Variants in CDC14B observed in about 807,000 individuals in gnomAD.
CDC14B encodes the protein dual specificity protein phosphatase CDC14B.
Under a neutral mutation model 64.2 loss-of-function variants are expected in CDC14B, and 22 were observed. That is an observed-to-expected ratio of 0.34 (90% CI 0.24 to 0.49). The LOEUF is 0.49. Among genes scored for constraint, CDC14B ranks in the 20% least tolerant of loss-of-function variants. The pLI is 0.99. For missense variants in CDC14B, 498 were observed against 629.9 expected, an observed-to-expected ratio of 0.79 and a Z score of 2.24; for synonymous variants, 191 against 215.8, an observed-to-expected ratio of 0.89 and a Z score of 1.01.
chr9:96,608,009 A>G (rs562700759), intron 1 of CDC14B, among the ~76,000 whole-genome samples: 14 of 152,322 alleles, frequency 9.2e-5, no homozygotes, highest in African/African-American at 3.4e-4. Context: ...ATTCATTCAG[A>G]GGCACACATC....
chr9:96,617,775 G>C (rs1417086652), intron 1 of CDC14B, among the ~76,000 whole-genome samples: 2 of 152,146 alleles, frequency 1.3e-5, no homozygotes, highest in Non-Finnish European at 2.9e-5. Context: ...CTTTAGAATT[G>C]GAGTTCTGTA....
At chr9:96,576,038 G>A (rs1844781254) in intron 1 of CDC14B, among the ~76,000 whole-genome samples, 1 of 152,230 alleles carries the variant, frequency 6.6e-6, no homozygotes, top group African/African-American at 2.4e-5. Flanking sequence ...CACTTTGGGA[G>A]GCTGAGGCGG....
chr9:96,559,167 T>A (rs185854333), intron 4 of CDC14B, among the ~76,000 whole-genome samples: 183 of 152,308 alleles, frequency 1.2e-3, no homozygotes, highest in Middle Eastern at 6.8e-3. Context: ...TATAACACTT[T>A]ATTTCCATGC....
At chr9:96,575,459 T>G (rs544009458) in intron 1 of CDC14B, among the ~76,000 whole-genome samples, 1 of 152,162 alleles carries the variant, frequency 6.6e-6, no homozygotes. Flanking sequence ...TGAAATACTT[T>G]GTAAGTTCTT....
intron 6 of CDC14B, among the ~76,000 whole-genome samples, chr9:96,540,779 C>T (rs1839940189): frequency 1.3e-5 from 2 of 152,086 alleles, no homozygotes; most frequent in South Asian, 4.1e-4. Context: ...ACACCTGTTG[C>T]CCTTTGGTCT....
At chr9:96,512,884 T>G (rs951222056) in intron 12 of CDC14B, among the ~76,000 whole-genome samples, 2 of 151,776 alleles carry the variant, frequency 1.3e-5, no homozygotes, top group African/African-American at 2.4e-5. Flanking sequence ...CTCAAATAAT[T>G]TGAGGCCACG....
chr9:96,588,229 T>C (rs1249283855), intron 1 of CDC14B, among the ~76,000 whole-genome samples: 2 of 152,130 alleles, frequency 1.3e-5, no homozygotes, highest in Admixed American at 1.3e-4. Context: ...CACGCAGGGC[T>C]TTCAGCAAAG....
rs16911217 is a variant in CDC14B at position 96,551,423 on chromosome 9, A to G, written c.497+373T>C. On this transcript the variant is annotated intron_variant, in intron 5 of 13. Coordinates refer to ENST00000375241, the MANE Select transcript of CDC14B (RefSeq NM_033331.4). ...AGGCATGAGCCACTGTGCCCAGCCA[A>G]AGCTTAGTTTTCATCAATGGCAGTA... 2.1e-4 allele frequency among the ~76,000 whole-genome samples: 32 copies of G among 152,184 alleles called. No individual in the cohort carries two copies. In the East Asian group the frequency reaches 3.1e-3, roughly 15 times the overall value.
At chr9:96,552,480 T>C (rs936595098) in intron 4 of CDC14B, among the ~76,000 whole-genome samples, 2 of 152,182 alleles carry the variant, frequency 1.3e-5, no homozygotes, top group African/African-American at 4.8e-5. Flanking sequence ...TTGGTATTCC[T>C]TGCCTTTCCA....
intron 4 of CDC14B, among the ~76,000 whole-genome samples, chr9:96,553,714 A>T (rs28410772): frequency 0.062 from 9,410 of 152,110 alleles, 920 homozygotes; most frequent in African/African-American, 0.21. Flanking sequence ...TAAAACATTT[A>T]AAAAAATCAG....
At chr9:96,516,467 ATTTT>A (rs1295105051) in intron 12 of CDC14B, among the ~76,000 whole-genome samples, 1 of 151,708 alleles carries the variant, frequency 6.6e-6, no homozygotes, top group East Asian at 1.9e-4. Context: ...TTTCTTTCTT[ATTTT>A]TTATTTTTTA....
At chr9:96,543,563 A>C (rs1235348345) in intron 5 of CDC14B, among the ~76,000 whole-genome samples, 1 of 152,180 alleles carries the variant, frequency 6.6e-6, no homozygotes, top group African/African-American at 2.4e-5. Flanking sequence ...CCAGCCAAAC[A>C]CTGCATCAAT....
intron 3 of CDC14B, among the ~76,000 whole-genome samples, chr9:96,563,920 A>G (rs2132297589): frequency 6.6e-6 from 1 of 152,354 alleles, no homozygotes; most frequent in East Asian, 1.9e-4. Flanking sequence ...TATTTAAGAA[A>G]GGCAAAAAAG....
At chr9:96,589,742 A>G (rs1006426849) in intron 1 of CDC14B, among the ~76,000 whole-genome samples, 1 of 152,104 alleles carries the variant, frequency 6.6e-6, no homozygotes, top group Admixed American at 6.6e-5. Context: ...GTGGATCATG[A>G]GGTCAGGAGA....
In CDC14B at chr9:96,503,721, G is replaced by T; in HGVS notation, c.*32C>A. ...TTCTGTTGCAGTTTTCAGTCCTAGA[G>T]TCTTCCTTCAGCTCTGGTCACAGGT... On this transcript the variant is annotated 3_prime_UTR_variant, in exon 14 of 14. Coordinates refer to ENST00000375241, the MANE Select transcript of CDC14B (RefSeq NM_033331.4). The T allele has an allele frequency of 6.2e-7, 1 of 1,602,022 alleles. No individual in the cohort carries two copies.
At chr9:96,527,602 A>T (rs936673042) in intron 9 of CDC14B, among the ~76,000 whole-genome samples, 1 of 151,392 alleles carries the variant, frequency 6.6e-6, no homozygotes, top group Admixed American at 6.6e-5. Flanking sequence ...ACCCATTTTT[A>T]TTTTTTATTA....
At position 96,515,890 on chromosome 9, in the gene CDC14B, C is replaced by T. The variant is rs1239204965; in HGVS notation, c.1344-6101G>A. ...AATCAAGCCATATGTGAATTTTAGA[C>T]ACCCTAAAAGCCCAGCCAACAGCAA... On this transcript the variant is annotated intron_variant, in intron 12 of 13. Coordinates refer to ENST00000375241, the MANE Select transcript of CDC14B (RefSeq NM_033331.4). This position sits in a 1 kb window ranked among gnomAD's most constrained non-coding sequence, Gnocchi z 4.3. 4.2e-6 allele frequency: 5 copies of T among 1,203,688 alleles called. No individual in the cohort carries two copies. The highest frequency in any genetic ancestry group is 4.6e-6 in the Non-Finnish European group (4 of 876,754). The allele number at this position is 1,203,688 out of a possible 1,614,324, so 74.6% of individuals were successfully genotyped here.
At chr9:96,493,271 G>A (rs1833133730) in intron 13 of CDC14B, 1 of 152,514 alleles carries the variant, frequency 6.6e-6, no homozygotes, top group Admixed American at 6.5e-5. Context: ...ACAGAAGACA[G>A]ATTTGCTCAT....
rs554449341 is a variant in CDC14B, at chr9:96,491,222, A to AGAT, written c.*2108_*2110dup. ...GTCACACAGTTCATATGCTCGCTTG[A>AGAT]GATGGAATCTGAACCTTGGTCCCAG... On this transcript the variant is annotated 3_prime_UTR_variant and NMD_transcript_variant, in exon 14 of 14. Transcript: ENST00000474602. 6.6e-5 allele frequency: 10 copies of AGAT among 152,408 alleles called. No individual in the cohort carries two copies. In the East Asian group the frequency reaches 1.2e-3, roughly 18 times the overall value. The allele number at this position is 152,408 out of a possible 1,614,324, so 9.4% of individuals were successfully genotyped here. A position where few individuals can be genotyped will look rare whatever the true frequency, so the allele number is the denominator to read the frequency against.
Sources: gnomAD v4.1 joint callset for allele counts (sites outside exome capture counted in the v4.1 genomes callset) on GRCh38, gnomAD v4.1.1 for gene constraint, Gnocchi (gnomAD v3.1) non-coding constraint, MANE v1.5 for transcripts, NCBI Gene and HGNC (gene_info 2026-07-23, HGNC 2026-07-21) for gene names.